The following CPE variants were observed in gnomAD, a reference collection of about 807,000 sequenced individuals.
The protein encoded by CPE is carbocypeptidase E.
Under a neutral mutation model 53.5 loss-of-function variants are expected in CPE, and 17 were observed. That is an observed-to-expected ratio of 0.32 (90% CI 0.22 to 0.48). The LOEUF (loss-of-function observed/expected upper bound fraction) is 0.48, where lower values mean the gene tolerates loss of function less well. Ranked by LOEUF, CPE falls within the 20% of genes least tolerant of loss-of-function variation. The pLI, the probability that CPE is intolerant of heterozygous loss-of-function variation, is 0.99. For synonymous variants in CPE, 226 were observed against 228.8 expected, an observed-to-expected ratio of 0.99 and a Z score of 0.11; for missense variants, 524 against 614.7, an observed-to-expected ratio of 0.85 and a Z score of 1.56.
intron 1 of CPE, among the ~76,000 whole-genome samples, chr4:165,455,395 C>G (rs1237478580): frequency 6.6e-6 from 1 of 152,134 alleles, no homozygotes; most frequent in Non-Finnish European, 1.5e-5. Flanking sequence ...TAACTAGAAG[C>G]TAATAATTCT....
At chr4:165,471,404 T>G (rs1732204175) in intron 3 of CPE, among the ~76,000 whole-genome samples, 1 of 152,212 alleles carries the variant, frequency 6.6e-6, no homozygotes, top group Non-Finnish European at 1.5e-5. Context: ...GTCTGTTATG[T>G]TCTTGAAACA....
chr4:165,489,826 AAAG>A (rs1275952018), intron 6 of CPE, among the ~76,000 whole-genome samples: 1 of 152,224 alleles, frequency 6.6e-6, no homozygotes, highest in African/African-American at 2.4e-5. Flanking sequence ...AATAAGCTAA[AAAG>A]AAGAAGGTTA....
At chr4:165,414,873 T>C (rs980555073) in intron 1 of CPE, among the ~76,000 whole-genome samples, 2 of 151,984 alleles carry the variant, frequency 1.3e-5, no homozygotes, top group Admixed American at 1.3e-4. Context: ...TATATTTGCA[T>C]TTTGAAGTGA....
At chr4:165,451,103 G>A (rs1731799557) in intron 1 of CPE, among the ~76,000 whole-genome samples, 1 of 152,248 alleles carries the variant, frequency 6.6e-6, no homozygotes, top group Non-Finnish European at 1.5e-5. Flanking sequence ...CAGATCTGCC[G>A]AATTGGAATC....
Position 165,379,389 on chromosome 4 carries a change from C to T in CPE, c.168C>T (p.Tyr56=). 2.5e-6 allele frequency: 4 copies of T among 1,609,026 alleles called. No homozygotes were observed. The highest frequency in any genetic ancestry group is 2.2e-5 in the East Asian group (1 of 44,740). The part of the protein sequence containing the change: ...EDGISFEYHR[Y]PELREALVSV... ...GCATCTCCTTCGAGTACCACCGCTA[C>T]CCCGAGCTGCGCGAGGCGCTCGTGT... The change falls in exon 1 of 9, where the codon TAC becomes TAT. Residue 56 remains tyrosine, a synonymous_variant. Coordinates refer to ENST00000402744, the MANE Select transcript of CPE (RefSeq NM_001873.4). The surrounding 1 kb of genome is among the most constrained non-coding windows in gnomAD (Gnocchi z 6.0).
chr4:165,439,479 A>G (rs1223771178), intron 1 of CPE, among the ~76,000 whole-genome samples: 1 of 152,030 alleles, frequency 6.6e-6, no homozygotes, highest in Non-Finnish European at 1.5e-5. Context: ...TAAATTATTC[A>G]TGGAAGAGCC....
intron 1 of CPE, among the ~76,000 whole-genome samples, chr4:165,415,551 A>G (rs1731105695): frequency 6.6e-6 from 1 of 152,156 alleles, no homozygotes; most frequent in Non-Finnish European, 1.5e-5. Context: ...CATTTATTAT[A>G]TATTCCATGT....
chr4:165,494,267 A>G (rs1414559970), intron 7 of CPE, among the ~76,000 whole-genome samples: 2 of 152,180 alleles, frequency 1.3e-5, no homozygotes, highest in Non-Finnish European at 2.9e-5. Context: ...TGTTAGCCCT[A>G]ATATGTCATA....
At chr4:165,453,350 TCC>T (rs1731846676) in intron 1 of CPE, among the ~76,000 whole-genome samples, 1 of 150,716 alleles carries the variant, frequency 6.6e-6, no homozygotes, top group African/African-American at 2.5e-5. Flanking sequence ...CTTCCTTCCT[TCC>T]TTTCTCTCTC....
Position 165,440,463 on chromosome 4 carries a change from CACACA to C in CPE, c.308-23926_308-23922del, listed in dbSNP as rs369245554. ...CTGCTCTCACAACCCCACCCCCCCC[CACACA>C]CACAAGCTGTGGTTTCTGGAACAGT... On this transcript the variant is annotated intron_variant, in intron 1 of 8. Transcript: ENST00000402744. Among the ~76,000 whole-genome samples, 78 of 126,522 alleles carry C rather than the reference CACACA, an allele frequency of 6.2e-4. 2 individuals carry two copies. Among genetic ancestry groups the C allele is most frequent in the African/African-American group, 1.7e-3 (52 of 30,428 alleles). 83.0% of individuals were successfully genotyped at this position (126,522 alleles called of 152,430 possible). A position where few individuals can be genotyped will look rare whatever the true frequency, so the allele number is the denominator to read the frequency against.
intron 1 of CPE, among the ~76,000 whole-genome samples, chr4:165,383,595 A>T (rs1345806294): frequency 6.6e-6 from 1 of 152,228 alleles, no homozygotes; most frequent in Non-Finnish European, 1.5e-5. Flanking sequence ...TCTTTCTCAA[A>T]GGCTGGAATG....
intron 3 of CPE, among the ~76,000 whole-genome samples, chr4:165,473,564 C>T (rs1183652427): frequency 6.6e-6 from 1 of 152,178 alleles, no homozygotes; most frequent in Non-Finnish European, 1.5e-5. Context: ...TGAGGTAGGA[C>T]TGACTAGGTT....
At chr4:165,417,183 A>G (rs6833833) in intron 1 of CPE, among the ~76,000 whole-genome samples, 84,624 of 151,816 alleles carry the variant, frequency 0.56, 24,122 homozygotes, top group East Asian at 0.75. Flanking sequence ...GCAACAGATA[A>G]GATGTTGATG....
At chr4:165,456,635 C>A (rs1325655219) in intron 1 of CPE, among the ~76,000 whole-genome samples, 1 of 149,980 alleles carries the variant, frequency 6.7e-6, no homozygotes, top group South Asian at 2.1e-4. Flanking sequence ...GGCGCGATCT[C>A]GGCTCATTGC....
chr4:165,386,917 G>C (rs917201176), intron 1 of CPE, among the ~76,000 whole-genome samples: 1 of 152,150 alleles, frequency 6.6e-6, no homozygotes, highest in Non-Finnish European at 1.5e-5. Context: ...TTCAAATCGT[G>C]CACTTTGAAA....
intron 1 of CPE, among the ~76,000 whole-genome samples, chr4:165,408,637 G>C (rs1257294487): frequency 6.6e-6 from 1 of 152,238 alleles, no homozygotes; most frequent in Non-Finnish European, 1.5e-5. Flanking sequence ...CACCTGGAGG[G>C]CTTGTTAAAA....
chr4:165,416,810 C>A (rs1167782288), intron 1 of CPE, among the ~76,000 whole-genome samples: 5 of 151,854 alleles, frequency 3.3e-5, no homozygotes, highest in African/African-American at 4.8e-5. Context: ...CTCAGTGGCA[C>A]CAGGGACCTT....
chr4:165,405,674 G>A, intron 1 of CPE: 2 of 787,694 alleles, frequency 2.5e-6, no homozygotes, highest in Non-Finnish European at 4.6e-6. Flanking sequence ...CATTCCTCTG[G>A]AAGTTTTAGT....
intron 3 of CPE, among the ~76,000 whole-genome samples, chr4:165,477,272 A>G (rs1227366180): frequency 6.6e-6 from 1 of 152,240 alleles, no homozygotes; most frequent in Non-Finnish European, 1.5e-5. Flanking sequence ...AGGCATGTTC[A>G]TGGTACTATT....
Sources: gnomAD v4.1 joint callset for allele counts (sites outside exome capture counted in the v4.1 genomes callset) on GRCh38, gnomAD v4.1.1 for gene constraint, Gnocchi (gnomAD v3.1) non-coding constraint, MANE v1.5 for transcripts, NCBI Gene and HGNC (gene_info 2026-07-23, HGNC 2026-07-21) for gene names.